KLF12: variants seen among roughly 807,000 people sequenced by gnomAD.
KLF12 encodes KLF transcription factor 12.
A neutral mutation model predicts 37.8 loss-of-function variants in KLF12; 9 were observed. The ratio of observed to expected loss-of-function variants is 0.24; its 90% CI spans 0.14 to 0.42. KLF12 has a LOEUF of 0.42. KLF12 is among the 10% of genes least tolerant of loss of function. The probability of loss-of-function intolerance (pLI) is 1.00; values close to 1 mark genes in which losing one functional copy is unlikely to be tolerated. For synonymous variants in KLF12, 208 were observed against 202.1 expected, an observed-to-expected ratio of 1.03 and a Z score of -0.25; for missense variants, 411 against 516.0, an observed-to-expected ratio of 0.80 and a Z score of 1.97.
intron 3 of KLF12, among the ~76,000 whole-genome samples, chr13:73,876,758 CA>C (rs1469851237): frequency 2.0e-5 from 3 of 152,030 alleles, no homozygotes; most frequent in Non-Finnish European, 4.4e-5. Flanking sequence ...CTTATGCCTG[CA>C]ATCCCAGCAC....
intron 6 of KLF12, among the ~76,000 whole-genome samples, chr13:73,739,991 T>C (rs1877846848): frequency 6.9e-6 from 1 of 144,416 alleles, no homozygotes; most frequent in South Asian, 2.1e-4. Context: ...GAGAAGGAAC[T>C]GGACCACTGT....
intron 3 of KLF12, among the ~76,000 whole-genome samples, chr13:73,904,191 T>C (rs1888164535): frequency 6.6e-6 from 1 of 152,202 alleles, no homozygotes; most frequent in African/African-American, 2.4e-5. Flanking sequence ...AAAAGTCACA[T>C]TTAAAGGATT....
At chr13:73,721,667 C>T (rs1876269631) in intron 6 of KLF12, among the ~76,000 whole-genome samples, 1 of 152,006 alleles carries the variant, frequency 6.6e-6, no homozygotes, top group African/African-American at 2.4e-5. Flanking sequence ...ATCCTTCCGC[C>T]TCAGCCTCCT....
intron 5 of KLF12, among the ~76,000 whole-genome samples, chr13:73,789,103 T>A (rs1187374794): frequency 6.6e-6 from 1 of 152,208 alleles, no homozygotes; most frequent in East Asian, 1.9e-4. Context: ...CAAATGATCT[T>A]GATAACATAG....
At chr13:74,189,298 G>T in the KLF12 span, among the ~76,000 whole-genome samples, 167 of 152,150 alleles carry the variant, frequency 1.1e-3, 1 homozygote, top group African/African-American at 3.7e-3. Context: ...GTTTTTCTTC[G>T]GTTTTGTAAG....
intron 6 of KLF12, among the ~76,000 whole-genome samples, chr13:73,737,124 G>A (rs549874442): frequency 8.4e-4 from 128 of 151,994 alleles, no homozygotes; most frequent in African/African-American, 2.9e-3. Flanking sequence ...AACTTCTGAA[G>A]CCTTGATTCA....
the KLF12 span, among the ~76,000 whole-genome samples, chr13:74,147,245 C>A: frequency 6.6e-6 from 1 of 151,906 alleles, no homozygotes; most frequent in Non-Finnish European, 1.5e-5. Flanking sequence ...CAAGAGCCTC[C>A]CTTGGGGAAC....
At chr13:74,262,343 G>T in the KLF12 span, among the ~76,000 whole-genome samples, 1 of 152,164 alleles carries the variant, frequency 6.6e-6, no homozygotes, top group East Asian at 1.9e-4. Flanking sequence ...AGACATTATA[G>T]CTTCATGAGA....
At chr13:73,744,459 C>G (rs1266852871) in intron 6 of KLF12, among the ~76,000 whole-genome samples, 2 of 151,754 alleles carry the variant, frequency 1.3e-5, no homozygotes, top group Non-Finnish European at 2.9e-5. Context: ...TCAAGATAGG[C>G]CTTTATAAAC....
chr13:74,303,797 T>C, the KLF12 span, among the ~76,000 whole-genome samples: 1 of 152,102 alleles, frequency 6.6e-6, no homozygotes, highest in African/African-American at 2.4e-5. Context: ...AGCTCTACCT[T>C]GAATTGTCTT....
intron 5 of KLF12, among the ~76,000 whole-genome samples, chr13:73,769,515 A>C (rs943391916): frequency 6.6e-6 from 1 of 151,994 alleles, no homozygotes; most frequent in African/African-American, 2.4e-5. Flanking sequence ...GCTAGTTGTC[A>C]CTGTCCTATA....
At chr13:74,199,842 A>T in the KLF12 span, among the ~76,000 whole-genome samples, 2 of 152,048 alleles carry the variant, frequency 1.3e-5, no homozygotes, top group Admixed American at 1.3e-4. Flanking sequence ...GGTCGTGGTG[A>T]TCTGTCCCTG....
At chr13:74,289,901 T>C in the KLF12 span, among the ~76,000 whole-genome samples, 10 of 152,102 alleles carry the variant, frequency 6.6e-5, no homozygotes, top group African/African-American at 2.4e-4. Flanking sequence ...CCCTCATAAG[T>C]TAAAACAAAA....
chr13:74,285,427 T>A, the KLF12 span, among the ~76,000 whole-genome samples: 1 of 152,204 alleles, frequency 6.6e-6, no homozygotes, highest in African/African-American at 2.4e-5. Flanking sequence ...ATTTCTCTCA[T>A]AAAACAGAAA....
chr13:73,985,426 T>C (rs903487123), intron 2 of KLF12, among the ~76,000 whole-genome samples: 18 of 152,228 alleles, frequency 1.2e-4, no homozygotes, highest in East Asian at 7.7e-4. Context: ...GTGCACATGA[T>C]TGAAAACAGG....
At chr13:74,242,876 G>T in the KLF12 span, among the ~76,000 whole-genome samples, 3 of 152,190 alleles carry the variant, frequency 2.0e-5, no homozygotes, top group East Asian at 3.9e-4. Flanking sequence ...GGCACTCGGG[G>T]AAGTTGCCTC....
At chr13:73,728,900 T>C (rs9543433) in intron 6 of KLF12, among the ~76,000 whole-genome samples, 118,063 of 152,078 alleles carry the variant, frequency 0.78, 45,993 homozygotes, top group Middle Eastern at 0.9. Context: ...GTTATTAGGA[T>C]AATGCTGGTA....
intron 1 of KLF12, among the ~76,000 whole-genome samples, chr13:74,080,254 T>C (rs966383137): frequency 1.3e-5 from 2 of 151,736 alleles, no homozygotes; most frequent in African/African-American, 2.4e-5. Flanking sequence ...CTGGGCAACA[T>C]AGTGGGACTC....
At chr13:74,053,843 G>T (rs1187578582) in intron 1 of KLF12, among the ~76,000 whole-genome samples, 1 of 152,070 alleles carries the variant, frequency 6.6e-6, no homozygotes, top group South Asian at 2.1e-4. Flanking sequence ...AAAACTTTGT[G>T]GCATGTCTGC....
Sources: allele counts gnomAD v4.1 joint callset (sites outside exome capture counted in the v4.1 genomes callset), GRCh38; gene constraint gnomAD v4.1.1; transcripts MANE v1.5; gene names NCBI Gene and HGNC (gene_info 2026-07-23, HGNC 2026-07-21).